Variants in IL18BP observed in about 807,000 individuals in gnomAD.
IL18BP encodes the protein interleukin 18 binding protein, also known as interleukin-18-binding protein.
In IL18BP, 23 loss-of-function variants were observed where a neutral mutation model predicts 19.9. The ratio of observed to expected loss-of-function variants is 1.15; its 90% confidence interval spans 0.83 to 1.64. The LOEUF (loss-of-function observed/expected upper bound fraction) is 1.64. Among genes scored for constraint, IL18BP ranks in the 40% most tolerant of loss-of-function variants. The pLI is 0.00. For missense variants in IL18BP, 239 were observed against 240.7 expected (o/e 0.99, Z 0.05); for synonymous variants, 107 against 101.0 (o/e 1.06, Z -0.35).
intron 2 of IL18BP, 110 bp from the exon 3 acceptor site, chr11:72,000,241 G>A (rs1326258610): frequency 1.4e-5 from 15 of 1,058,038 alleles, no homozygotes; most frequent in African/African-American, 7.8e-5. Context: ...CCCTCTTCCC[G>A]CTCTGATTCC....
intron 2 of IL18BP, 92 bp downstream of exon 2, chr11:72,000,104 G>A (rs1955132518): frequency 1.4e-6 from 2 of 1,393,274 alleles, no homozygotes; most frequent in South Asian, 1.2e-5. Flanking sequence ...TTCACTCCAA[G>A]GCAAACCACC....
At position 71,999,969 on chromosome 11, in the gene IL18BP, T is replaced by C; in HGVS notation, c.-16T>C. On this transcript the variant is annotated 5_prime_UTR_variant, in exon 2 of 6. Transcript: ENST00000393703. ...CAGATAAAGAGCCAGGCTCACCAGC[T>C]CCTGACGCATGCATCATGACCATGA... The C allele has an allele frequency of 6.2e-7, 1 of 1,613,722 alleles. No individual in the cohort carries two copies. The highest frequency in any genetic ancestry group is 8.5e-7 in the Non-Finnish European group (1 of 1,179,744).
chr11:72,007,181 A>G (rs1369332169), downstream of IL18BP: 2 of 1,606,374 alleles, frequency 1.2e-6, no homozygotes, highest in South Asian at 1.1e-5. Flanking sequence ...CTGTCCCAGC[A>G]GCCTGACCTT....
chr11:72,004,574 T>C (rs1302930177), downstream of IL18BP: 61 of 1,519,944 alleles, frequency 4.0e-5, no homozygotes, highest in Non-Finnish European at 5.1e-5. Context: ...CTCCCTTTAG[T>C]CCTTGGTGAG....
At chr11:72,007,431 G>A, downstream of IL18BP, 1 of 1,613,270 alleles carries the variant, frequency 6.2e-7, no homozygotes, top group East Asian at 2.2e-5. Context: ...GTACGAGGCA[G>A]CTTGCTATGG....
In IL18BP at chr11:72,002,003, T is replaced by C; in HGVS notation, c.*142T>C. On this transcript the variant is annotated 3_prime_UTR_variant, in exon 6 of 6. Coordinates refer to ENST00000393703, the MANE Select transcript of IL18BP (RefSeq NM_001039660.2). ...CTCCTTCTCTGCTTTGGGTCCCTTCTCTCACCAAATTCAAACTCCATTCCC... is the reference window on the plus strand; with the variant it reads ...CTCCTTCTCTGCTTTGGGTCCCTTCCCTCACCAAATTCAAACTCCATTCCC... 7.9e-7 allele frequency: 1 copy of C among 1,265,604 alleles called. No individual in the cohort carries two copies. Among genetic ancestry groups the C allele is most frequent in the Non-Finnish European group, 1.1e-6 (1 of 918,368 alleles). The allele number at this position is 1,265,604 out of a possible 1,614,324, so 78.4% of individuals were successfully genotyped here. A position where few individuals can be genotyped will look rare whatever the true frequency, so the allele number is the denominator to read the frequency against.
rs547025486 is a variant in IL18BP, at chr11:72,002,673, AAGAG to A, written c.*816_*819del. ...GGGAACACAGGCGCTTGAAAAAGAA[AAGAG>A]AGAACAGCCCATAATGCTCCCCGGG... On this transcript the variant is annotated 3_prime_UTR_variant, in exon 6 of 6. Transcript: ENST00000393703. The A allele has an allele frequency of 5.8e-6, 1 of 171,198 alleles. No homozygotes were observed. The highest frequency in any genetic ancestry group is 2.4e-5 in the African/African-American group (1 of 42,020). The allele number at this position is 171,198 out of a possible 1,614,324, so 10.6% of individuals were successfully genotyped here.
downstream of IL18BP, among the ~76,000 whole-genome samples, chr11:72,006,592 G>C (rs1955731184): frequency 6.6e-6 from 1 of 152,192 alleles, no homozygotes; most frequent in Non-Finnish European, 1.5e-5. Context: ...CACACTGCTA[G>C]GAAGTATCAG....
intron 3 of IL18BP, 50 bp downstream of exon 3, chr11:72,000,607 G>C: frequency 6.5e-7 from 1 of 1,532,788 alleles, no homozygotes. Context: ...AGGTTCCCAG[G>C]GTCGGGTTGA....
downstream of IL18BP, chr11:72,003,433 A>T (rs1955397797): frequency 8.0e-7 from 1 of 1,243,038 alleles, no homozygotes; most frequent in Non-Finnish European, 1.2e-6. Context: ...TTGGCCTGGG[A>T]GCTGAGAGAA....
At chr11:72,006,296 A>G (rs768968285), downstream of IL18BP, 2 of 1,586,108 alleles carry the variant, frequency 1.3e-6, no homozygotes, top group Non-Finnish European at 1.7e-6. Flanking sequence ...TGCAGTGTAC[A>G]GTCCCTGGCA....
At chr11:72,007,633 A>G, downstream of IL18BP, 1 of 652,232 alleles carries the variant, frequency 1.5e-6, no homozygotes, top group Non-Finnish European at 2.7e-6. Flanking sequence ...GCTTCTCCTA[A>G]TAGCTCCTCA....
Position 72,002,116 on chromosome 11 carries a change from A to C in IL18BP, c.*255A>C, listed in dbSNP as rs2134266037. On this transcript the variant is annotated 3_prime_UTR_variant, in exon 6 of 6. Coordinates refer to ENST00000393703, the MANE Select transcript of IL18BP (RefSeq NM_001039660.2). Reference sequence around the variant, plus strand: ...TATCCATTAGCCTTCCTAACGTCCTACTCCTCACACTGCTCTACTGCTCAG... The same window carrying C: ...TATCCATTAGCCTTCCTAACGTCCTCCTCCTCACACTGCTCTACTGCTCAG... The C allele has an allele frequency of 1.7e-6, 1 of 576,706 alleles. No individual in the cohort carries two copies. Among genetic ancestry groups the C allele is most frequent in the Non-Finnish European group, 3.1e-6 (1 of 321,366 alleles). The allele number at this position is 576,706 out of a possible 1,614,324, so 35.7% of individuals were successfully genotyped here.
downstream of IL18BP, chr11:72,007,697 C>T: frequency 1.9e-6 from 1 of 525,106 alleles, no homozygotes; most frequent in African/African-American, 1.9e-5. Flanking sequence ...CCCATGGCTG[C>T]TTCACAGCAA....
At chr11:72,004,284 C>G (rs1293833861), downstream of IL18BP, 1 of 1,613,362 alleles carries the variant, frequency 6.2e-7, no homozygotes, top group African/African-American at 1.3e-5. Flanking sequence ...TGTTTGCGCC[C>G]TTCATGTCGG....
chr11:72,001,392 C>T lies in IL18BP; in HGVS notation c.360-13C>T. On this transcript the variant is annotated splice_polypyrimidine_tract_variant and intron_variant, in intron 4 of 5. Transcript: ENST00000393703. ...GCGGCCTTCTCATGACCTTTCCTTCCCTTCCGCTCCAGCCGGGAACGTGGG... is the reference window on the plus strand; with the variant it reads ...GCGGCCTTCTCATGACCTTTCCTTCTCTTCCGCTCCAGCCGGGAACGTGGG... 1 of 1,614,138 alleles carries T rather than the reference C, an allele frequency of 6.2e-7. No individual in the cohort carries two copies. The highest frequency in any genetic ancestry group is 8.5e-7 in the Non-Finnish European group (1 of 1,179,946).
chr11:72,004,912 A>G, downstream of IL18BP: 1 of 1,240,398 alleles, frequency 8.1e-7, no homozygotes, highest in Non-Finnish European at 1.1e-6. Flanking sequence ...CCCGACACTT[A>G]TGGTCGGGAC....
downstream of IL18BP, chr11:72,003,979 T>C (rs1474736868): frequency 6.2e-7 from 1 of 1,612,924 alleles, no homozygotes; most frequent in Non-Finnish European, 8.5e-7. Context: ...CGGGTTCCAC[T>C]GCGAGTGTTG....
In IL18BP at chr11:72,002,716, A is replaced by G. The variant is rs1955338953; in HGVS notation, c.*855A>G. ...ATGCTCCCCGGGAGCAGAGGCCACT[A>G]ATGGAGAGTGGGAAGAGCCTGGAAA... On this transcript the variant is annotated 3_prime_UTR_variant, in exon 6 of 6. Coordinates refer to ENST00000393703, the MANE Select transcript of IL18BP (RefSeq NM_001039660.2). The G allele has an allele frequency of 5.6e-6, 1 of 177,814 alleles. No homozygotes were observed. The highest frequency in any genetic ancestry group is 6.3e-5 in the Admixed American group (1 of 15,822). The allele number at this position is 177,814 out of a possible 1,614,324, so 11.0% of individuals were successfully genotyped here.
Sources: gnomAD v4.1 joint callset for allele counts (sites outside exome capture counted in the v4.1 genomes callset) on GRCh38, gnomAD v4.1.1 for gene constraint, MANE v1.5 for transcripts, NCBI Gene and HGNC (gene_info 2026-07-23, HGNC 2026-07-21) for gene names.